Variants in SNTG2 observed in about 807,000 individuals in gnomAD.
SNTG2 encodes gamma-2-syntrophin.
SNTG2 carries 74 observed loss-of-function variants against 70.9 expected under a neutral mutation model. The observed-to-expected ratio is 1.04, with a 90% CI of 0.86 to 1.27. The LOEUF (loss-of-function observed/expected upper bound fraction) is 1.27, where lower values mean the gene tolerates loss of function less well. SNTG2 is among the 50% of genes most tolerant of loss of function. SNTG2 has a pLI of 0.00. For synonymous variants in SNTG2, 278 were observed against 273.8 expected (o/e 1.02, Z -0.15); for missense variants, 717 against 690.7 (o/e 1.04, Z -0.43).
chr2:988,367 C>A (rs1266250196), intron 1 of SNTG2, among the ~76,000 whole-genome samples: 1 of 151,916 alleles, frequency 6.6e-6, no homozygotes, highest in African/African-American at 2.4e-5. Context: ...CTGGCCTGTT[C>A]TGTGTCCCTA....
At chr2:1,076,012 C>T (rs770739027) in intron 1 of SNTG2, among the ~76,000 whole-genome samples, 43 of 152,162 alleles carry the variant, frequency 2.8e-4, no homozygotes, top group Non-Finnish European at 4.6e-4. Flanking sequence ...GTAGGCAGCA[C>T]GTGGCAGACG....
rs1009323181 is a variant in SNTG2, at chr2:1,089,756, A to G, written c.210+6101A>G. ...GTAGAACTTTCAATAACTAAAATCT[A>G]ACAGCAAAGACAGTTGCATAATCTG... On this transcript the variant is annotated intron_variant, in intron 2 of 16. Coordinates refer to ENST00000308624, the MANE Select transcript of SNTG2 (RefSeq NM_018968.4). 3.2e-4 allele frequency among the ~76,000 whole-genome samples: 49 copies of G among 152,264 alleles called. 1 individual carries two copies. The highest frequency in any genetic ancestry group is 2.1e-4 in the South Asian group (1 of 4,826).
chr2:1,225,907 A>G (rs1173961551), intron 9 of SNTG2, among the ~76,000 whole-genome samples: 2 of 152,146 alleles, frequency 1.3e-5, no homozygotes, highest in Non-Finnish European at 2.9e-5. Context: ...CTGAGGGCAC[A>G]CGGAGGCCCA....
chr2:1,075,512 A>G (rs1663859984), intron 1 of SNTG2, among the ~76,000 whole-genome samples: 1 of 152,212 alleles, frequency 6.6e-6, no homozygotes, highest in Admixed American at 6.5e-5. Flanking sequence ...CTGAAAGAAA[A>G]TGCATGCTCA....
At chr2:1,316,097 T>C (rs568172689) in intron 15 of SNTG2, among the ~76,000 whole-genome samples, 168 bp from the exon 16 acceptor site, 16 of 152,132 alleles carry the variant, frequency 1.1e-4, no homozygotes, top group African/African-American at 3.4e-4. Context: ...TTTGCAAAGA[T>C]TGAAGAATGA....
At chr2:1,190,030 G>T (rs769760206) in intron 8 of SNTG2, among the ~76,000 whole-genome samples, 1 of 152,028 alleles carries the variant, frequency 6.6e-6, no homozygotes, top group Non-Finnish European at 1.5e-5. Context: ...GAAAGGGAAA[G>T]ACTGTTCATC....
chr2:1,192,876 A>G (rs1297093602), intron 8 of SNTG2, among the ~76,000 whole-genome samples: 1 of 152,188 alleles, frequency 6.6e-6, no homozygotes, highest in African/African-American at 2.4e-5. Context: ...CAGATAAAGG[A>G]ATGTTTCCAC....
intron 7 of SNTG2, among the ~76,000 whole-genome samples, chr2:1,171,390 AT>A (rs1193185653): frequency 5.9e-5 from 9 of 152,170 alleles, no homozygotes; most frequent in Non-Finnish European, 1.0e-4. Flanking sequence ...GAACTTTGGG[AT>A]TTTGGAAGAC....
intron 1 of SNTG2, among the ~76,000 whole-genome samples, chr2:987,660 G>A (rs1381894675): frequency 6.6e-6 from 1 of 152,012 alleles, no homozygotes. Context: ...AGCCGTGAGC[G>A]AATACATCTG....
chr2:1,007,524 AGAT>A (rs1659608150), intron 1 of SNTG2, among the ~76,000 whole-genome samples: 1 of 152,204 alleles, frequency 6.6e-6, no homozygotes, highest in Non-Finnish European at 1.5e-5. Context: ...TGAAGATTGA[AGAT>A]GATGTCTTTA....
chr2:1,005,690 G>A (rs925252930), intron 1 of SNTG2, among the ~76,000 whole-genome samples: 3 of 150,732 alleles, frequency 2.0e-5, no homozygotes, highest in Non-Finnish European at 4.4e-5. Context: ...TATAGTCCCA[G>A]CTACTCAGGA....
At chr2:1,113,864 A>G (rs1666712780) in intron 4 of SNTG2, among the ~76,000 whole-genome samples, 1 of 150,268 alleles carries the variant, frequency 6.7e-6, no homozygotes, top group Non-Finnish European at 1.5e-5. Context: ...AGTGAGGATT[A>G]ACCCTTACAG....
At chr2:1,114,792 G>A (rs1013068148) in intron 4 of SNTG2, among the ~76,000 whole-genome samples, 1 of 151,868 alleles carries the variant, frequency 6.6e-6, no homozygotes, top group Admixed American at 6.6e-5. Context: ...TGTGTACTAA[G>A]GGAAGTTTAA....
chr2:1,243,255 G>A (rs780438086), intron 11 of SNTG2, among the ~76,000 whole-genome samples: 2 of 152,098 alleles, frequency 1.3e-5, no homozygotes, highest in African/African-American at 2.4e-5. Context: ...GTGTCAACCC[G>A]ATATAGAAAA....
chr2:1,280,217 G>A (rs1423745564), intron 14 of SNTG2, among the ~76,000 whole-genome samples: 2 of 152,100 alleles, frequency 1.3e-5, no homozygotes, highest in African/African-American at 2.4e-5. Flanking sequence ...AAAGTCAGGT[G>A]AAATATTGAA....
intron 9 of SNTG2, among the ~76,000 whole-genome samples, chr2:1,218,860 A>G (rs1674567345): frequency 6.6e-6 from 1 of 152,140 alleles, no homozygotes; most frequent in Non-Finnish European, 1.5e-5. Flanking sequence ...AGGGTGGGAG[A>G]TGATATAATA....
At chr2:992,803 T>G (rs1219070730) in intron 1 of SNTG2, among the ~76,000 whole-genome samples, 1 of 152,218 alleles carries the variant, frequency 6.6e-6, no homozygotes, top group African/African-American at 2.4e-5. Context: ...TCTTATTCTT[T>G]TATAGTATCA....
intron 4 of SNTG2, among the ~76,000 whole-genome samples, chr2:1,127,536 G>T (rs191176819): frequency 1.3e-5 from 2 of 152,020 alleles, no homozygotes; most frequent in Non-Finnish European, 2.9e-5. Context: ...TTTTTAGATC[G>T]CTTTGGGGAG....
At chr2:1,169,142 T>G (rs928093571) in intron 7 of SNTG2, among the ~76,000 whole-genome samples, 1 of 152,176 alleles carries the variant, frequency 6.6e-6, no homozygotes, top group Non-Finnish European at 1.5e-5. Flanking sequence ...CTGCAGCAGC[T>G]GTGACCATAC....
Sources: allele counts gnomAD v4.1 joint callset (sites outside exome capture counted in the v4.1 genomes callset), GRCh38; gene constraint gnomAD v4.1.1; transcripts MANE v1.5; gene names NCBI Gene and HGNC (gene_info 2026-07-23, HGNC 2026-07-21).